Variants in TIAM1 observed in about 807,000 individuals in gnomAD.
TIAM1 encodes rho guanine nucleotide exchange factor TIAM1.
Under a neutral mutation model 163.5 loss-of-function variants are expected in TIAM1, and 65 were observed. The observed-to-expected ratio is 0.40, with a 90% CI of 0.33 to 0.49. The LOEUF (loss-of-function observed/expected upper bound fraction) is 0.49, where lower values mean the gene tolerates loss of function less well. TIAM1 is among the 20% of genes least tolerant of loss of function. The pLI, the probability that TIAM1 is intolerant of heterozygous loss-of-function variation, is 0.77. For missense variants in TIAM1, 1,789 were observed against 2,044.7 expected (o/e 0.87, Z 2.41); for synonymous variants, 833 against 810.1 (o/e 1.03, Z -0.48).
intron 2 of TIAM1, among the ~76,000 whole-genome samples, chr21:31,360,190 T>C (rs1251300292): frequency 6.6e-6 from 1 of 152,046 alleles, no homozygotes; most frequent in Admixed American, 6.6e-5. Flanking sequence ...ACTGGTATCT[T>C]CTAAGTGTTT....
At chr21:31,202,645 A>C (rs1336559677) in intron 12 of TIAM1, among the ~76,000 whole-genome samples, 3 of 152,210 alleles carry the variant, frequency 2.0e-5, no homozygotes, top group African/African-American at 7.2e-5. Context: ...TATTATAATA[A>C]TGACTAAAGT....
intron 1 of TIAM1, among the ~76,000 whole-genome samples, chr21:31,499,041 G>C (rs1372200080): frequency 6.6e-6 from 1 of 151,838 alleles, no homozygotes; most frequent in Non-Finnish European, 1.5e-5. Flanking sequence ...AGAAAAGAGG[G>C]TCCTTTTCCC....
intron 1 of TIAM1, among the ~76,000 whole-genome samples, chr21:31,540,035 T>C (rs919131903): frequency 8.8e-6 from 1 of 113,462 alleles, no homozygotes; most frequent in Non-Finnish European, 1.9e-5. Flanking sequence ...CAAAAAAACA[T>C]AAAAAAAAAA....
chr21:31,494,718 C>T (rs538449367), intron 1 of TIAM1, among the ~76,000 whole-genome samples: 5 of 152,164 alleles, frequency 3.3e-5, no homozygotes, highest in Non-Finnish European at 5.9e-5. Context: ...TGGCACATGC[C>T]TGTAGTCCCA....
At chr21:31,217,449 T>C (rs1483123488) in intron 9 of TIAM1, 104 bp downstream of exon 9, 6 of 1,481,362 alleles carry the variant, frequency 4.1e-6, no homozygotes, top group Non-Finnish European at 5.5e-6. Context: ...ACTAGTTGAT[T>C]TTAAATAACA....
chr21:31,276,224 T>G (rs1437191053), intron 3 of TIAM1, among the ~76,000 whole-genome samples: 3 of 152,106 alleles, frequency 2.0e-5, no homozygotes, highest in African/African-American at 7.2e-5. Context: ...TTACAACCCA[T>G]GAAAAGAGTT....
rs569239435 is a variant in TIAM1 at position 31,202,758 on chromosome 21, T to C, written c.2493+150A>G. 8 of 684,012 alleles carry C rather than the reference T, an allele frequency of 1.2e-5. No homozygotes were observed. In the East Asian group the frequency reaches 2.2e-4, roughly 19 times the overall value. 42.4% of individuals were successfully genotyped at this position (684,012 alleles called of 1,614,324 possible). A position where few individuals can be genotyped will look rare whatever the true frequency, so the allele number is the denominator to read the frequency against. On this transcript the variant is annotated intron_variant, in intron 12 of 27. Coordinates refer to ENST00000541036, the MANE Select transcript of TIAM1 (RefSeq NM_001353694.2). Reference sequence around the variant, plus strand: ...TTCCACTCTGGAATACTGAGCTAAGTAGGGCCATCTCCACCAACTTAAGGG... The same window carrying C: ...TTCCACTCTGGAATACTGAGCTAAGCAGGGCCATCTCCACCAACTTAAGGG...
intron 13 of TIAM1, among the ~76,000 whole-genome samples, chr21:31,191,325 T>C (rs903562074): frequency 6.6e-6 from 1 of 152,056 alleles, no homozygotes; most frequent in Admixed American, 6.5e-5. Flanking sequence ...CCGTCTAATT[T>C]TTTTATCTTT....
chr21:31,429,222 G>A lies in TIAM1; in HGVS notation c.-369+34761C>T, dbSNP rs910842831. ...TCATTATGTTGCCGAGCCTGGTCTC[G>A]AACTCCTGGGCTCAAGTGATCCGCC... On this transcript the variant is annotated intron_variant, in intron 2 of 28. Coordinates refer to the TIAM1 transcript ENST00000286827. Among the ~76,000 whole-genome samples the A allele has an allele frequency of 3.9e-5, 6 of 152,124 alleles. No individual in the cohort carries two copies. The East Asian group carries it at 9.7e-4, about 25-fold the overall frequency.
rs145533413 is a variant in TIAM1 at position 31,365,911 on chromosome 21, G to A, written c.-368-26489C>T. ...AAGTCAAGAGATTGAGACCATCCTG[G>A]CCAACATGGTGAAACCCCGTCTGTA... is the stretch of plus-strand genomic sequence containing the variant. On this transcript the variant is annotated intron_variant, in intron 2 of 28. Transcript: ENST00000286827. 2.5e-3 allele frequency among the ~76,000 whole-genome samples: 384 copies of A among 151,402 alleles called. 1 individual carries two copies. The highest frequency in any genetic ancestry group is 9.0e-3 in the African/African-American group (373 of 41,322).
chr21:31,538,556 C>A (rs1207803298), intron 1 of TIAM1, among the ~76,000 whole-genome samples: 3 of 152,146 alleles, frequency 2.0e-5, no homozygotes, highest in African/African-American at 7.2e-5. Flanking sequence ...GATGATATCA[C>A]CCCGTTTACA....
chr21:31,328,560 T>C (rs748713765), intron 2 of TIAM1, among the ~76,000 whole-genome samples: 33 of 151,888 alleles, frequency 2.2e-4, no homozygotes, highest in Non-Finnish European at 4.0e-4. Flanking sequence ...TTTTTTATTT[T>C]GCTCTAAGTT....
intron 2 of TIAM1, among the ~76,000 whole-genome samples, chr21:31,301,042 T>G (rs1601881474): frequency 6.6e-6 from 1 of 152,214 alleles, no homozygotes; most frequent in South Asian, 2.1e-4. Flanking sequence ...ACAGTAAGGA[T>G]GAAACTGCAT....
chr21:31,446,094 C>A (rs1169178746), intron 2 of TIAM1, among the ~76,000 whole-genome samples: 1 of 152,146 alleles, frequency 6.6e-6, no homozygotes, highest in African/African-American at 2.4e-5. Flanking sequence ...GCACCCGCCA[C>A]CACACCTGGC....
At chr21:31,148,942 T>C (rs1189027481) in intron 19 of TIAM1, among the ~76,000 whole-genome samples, 1 of 128,802 alleles carries the variant, frequency 7.8e-6, no homozygotes, top group Non-Finnish European at 1.6e-5. Context: ...GTTTGAAGAT[T>C]TTAACAAGTT....
intron 2 of TIAM1, among the ~76,000 whole-genome samples, chr21:31,388,260 A>ACACACACC (rs1413732260): frequency 2.0e-4 from 6 of 29,522 alleles, no homozygotes; most frequent in Non-Finnish European, 4.2e-4. Flanking sequence ...CACACACACA[A>ACACACACC]CCTCTTACGT....
intron 2 of TIAM1, among the ~76,000 whole-genome samples, chr21:31,364,625 AT>A (rs2147141892): frequency 6.6e-6 from 1 of 152,332 alleles, no homozygotes; most frequent in South Asian, 2.1e-4. Context: ...CTATTAACAA[AT>A]CTTGGAACAG....
intron 1 of TIAM1, among the ~76,000 whole-genome samples, chr21:31,495,745 C>CG (rs1400890097): frequency 6.6e-6 from 1 of 151,802 alleles, no homozygotes; most frequent in Non-Finnish European, 1.5e-5. Context: ...CAAGGCGGGG[C>CG]GGGGGGATCA....
At chr21:31,438,802 T>C (rs780364008) in intron 2 of TIAM1, among the ~76,000 whole-genome samples, 7 of 152,106 alleles carry the variant, frequency 4.6e-5, no homozygotes, top group Non-Finnish European at 1.0e-4. Context: ...TGTAGGATGT[T>C]TGGCAGCATC....
Sources: gnomAD v4.1 joint callset for allele counts (sites outside exome capture counted in the v4.1 genomes callset) on GRCh38, gnomAD v4.1.1 for gene constraint, MANE v1.5 for transcripts, NCBI Gene and HGNC (gene_info 2026-07-23, HGNC 2026-07-21) for gene names.